Variants in IL23R observed in about 807,000 individuals in gnomAD.
IL23R encodes interleukin-23 receptor.
Under a neutral mutation model 56.9 loss-of-function variants are expected in IL23R, and 34 were observed. The observed-to-expected ratio is 0.60, with a 90% CI of 0.45 to 0.80. The LOEUF is 0.80. Among genes scored for constraint, IL23R ranks in the 30% least tolerant of loss-of-function variants. IL23R has a pLI of 0.00. For synonymous variants in IL23R, 230 were observed against 249.2 expected, an observed-to-expected ratio of 0.92 and a Z score of 0.73; for missense variants, 635 against 730.0, an observed-to-expected ratio of 0.87 and a Z score of 1.50.
At chr1:67,189,456 T>C (rs1237477328) in intron 4 of IL23R, among the ~76,000 whole-genome samples, 8 of 152,294 alleles carry the variant, frequency 5.3e-5, no homozygotes, top group Middle Eastern at 3.4e-3. Flanking sequence ...AAGTTCTGAA[T>C]TGATGGAGGC....
chr1:67,178,411 T>C (rs549166884), intron 3 of IL23R, among the ~76,000 whole-genome samples: 11 of 152,350 alleles, frequency 7.2e-5, no homozygotes, highest in African/African-American at 2.4e-4. Context: ...TTGATTTGGC[T>C]CTCCATTTGT....
chr1:67,155,663 A>G (rs1322517993), intron 1 of IL23R, among the ~76,000 whole-genome samples: 4 of 152,122 alleles, frequency 2.6e-5, no homozygotes, highest in Admixed American at 2.6e-4. Flanking sequence ...GTTCCTCTCT[A>G]AACTGGTTAT....
intron 6 of IL23R, among the ~76,000 whole-genome samples, chr1:67,218,344 G>GTATATA (rs1442917635): frequency 7.1e-6 from 1 of 140,832 alleles, no homozygotes. Flanking sequence ...GTGTGTGTGT[G>GTATATA]TGTGTGTGTG....
At chr1:67,250,598 C>T (rs1002917023) in intron 9 of IL23R, among the ~76,000 whole-genome samples, 1 of 152,150 alleles carries the variant, frequency 6.6e-6, no homozygotes, top group East Asian at 1.9e-4. Flanking sequence ...TACCAATAAT[C>T]GTTAAAGCCA....
chr1:67,150,514 A>ATG (rs1558216074), intron 1 of IL23R, among the ~76,000 whole-genome samples: 1 of 152,062 alleles, frequency 6.6e-6, no homozygotes, highest in African/African-American at 2.4e-5. Context: ...GAGTGAGAAC[A>ATG]TGTGATGTTT....
intron 1 of IL23R, among the ~76,000 whole-genome samples, chr1:67,141,912 G>A (rs1226565895): frequency 6.6e-6 from 1 of 152,130 alleles, no homozygotes; most frequent in East Asian, 1.9e-4. Context: ...TGTGCAGGGG[G>A]AAGCGTATTA....
At chr1:67,161,287 C>T (rs1199365041) in intron 1 of IL23R, among the ~76,000 whole-genome samples, 1 of 152,154 alleles carries the variant, frequency 6.6e-6, no homozygotes, top group Non-Finnish European at 1.5e-5. Flanking sequence ...AGGAAGAATC[C>T]TCTATTTACG....
At chr1:67,144,102 C>A (rs1456793680) in intron 1 of IL23R, among the ~76,000 whole-genome samples, 1 of 152,184 alleles carries the variant, frequency 6.6e-6, no homozygotes, top group African/African-American at 2.4e-5. Flanking sequence ...CCCAAATGTG[C>A]CCTTTTCCAG....
At chr1:67,141,896 G>A (rs1646641485) in intron 1 of IL23R, among the ~76,000 whole-genome samples, 1 of 152,182 alleles carries the variant, frequency 6.6e-6, no homozygotes, top group Admixed American at 6.5e-5. Flanking sequence ...GGGGCAGGGG[G>A]AGATTTGTGC....
At chr1:67,215,163 T>C (rs1649751294) in intron 6 of IL23R, among the ~76,000 whole-genome samples, 1 of 152,206 alleles carries the variant, frequency 6.6e-6, no homozygotes, top group Non-Finnish European at 1.5e-5. Flanking sequence ...CCCAGCTGAA[T>C]AAAGCCCTTC....
chr1:67,207,221 T>A (rs1649134864), intron 6 of IL23R, 166 bp downstream of exon 6: 1 of 813,726 alleles, frequency 1.2e-6, no homozygotes, highest in Non-Finnish European at 2.0e-6. Flanking sequence ...AACTTTTATT[T>A]TAGATTCGGG....
At chr1:67,264,169 A>C (rs1653283452), downstream of IL23R, among the ~76,000 whole-genome samples, 1 of 152,228 alleles carries the variant, frequency 6.6e-6, no homozygotes, top group Admixed American at 6.5e-5. Flanking sequence ...TCCTATACTG[A>C]GATTAATGAC....
chr1:67,221,360 CA>C (rs1204489751), intron 7 of IL23R, among the ~76,000 whole-genome samples: 1 of 152,084 alleles, frequency 6.6e-6, no homozygotes, highest in Non-Finnish European at 1.5e-5. Context: ...AAAAGAGACA[CA>C]AAACAATCAT....
intron 4 of IL23R, among the ~76,000 whole-genome samples, chr1:67,193,280 G>A (rs1467313299): frequency 6.6e-6 from 1 of 152,040 alleles, no homozygotes; most frequent in African/African-American, 2.4e-5. Flanking sequence ...TTTTTACTCC[G>A]CTTTAGTTTT....
At chr1:67,151,224 C>T (rs1158249152) in intron 1 of IL23R, among the ~76,000 whole-genome samples, 1 of 152,050 alleles carries the variant, frequency 6.6e-6, no homozygotes, top group Non-Finnish European at 1.5e-5. Context: ...TGCTTTTTTT[C>T]ATGTTTGTTG....
chr1:67,179,403 A>G (rs542739477), intron 3 of IL23R, among the ~76,000 whole-genome samples: 2 of 152,206 alleles, frequency 1.3e-5, no homozygotes, highest in South Asian at 2.1e-4. Context: ...GTTTATTTGC[A>G]TCAAGGTGTT....
At chr1:67,211,257 G>A (rs1649449759) in intron 6 of IL23R, among the ~76,000 whole-genome samples, 3 of 152,106 alleles carry the variant, frequency 2.0e-5, no homozygotes, top group Admixed American at 2.0e-4. Flanking sequence ...TGAATTAATG[G>A]GGTTTTATCC....
chr1:67,173,945 A>G (rs1278717748), intron 3 of IL23R, among the ~76,000 whole-genome samples: 3 of 152,166 alleles, frequency 2.0e-5, no homozygotes, highest in Non-Finnish European at 4.4e-5. Context: ...CCATATGATC[A>G]TGACTTCACT....
chr1:67,215,136 G>A (rs181357103), intron 6 of IL23R, among the ~76,000 whole-genome samples: 28 of 152,246 alleles, frequency 1.8e-4, no homozygotes, highest in African/African-American at 6.3e-4. Flanking sequence ...ATTTTAAGGC[G>A]GTAGATTGCC....
Sources: gnomAD v4.1 joint callset for allele counts (sites outside exome capture counted in the v4.1 genomes callset) on GRCh38, gnomAD v4.1.1 for gene constraint, MANE v1.5 for transcripts, NCBI Gene and HGNC (gene_info 2026-07-23, HGNC 2026-07-21) for gene names.